ABCC4: variants seen among roughly 807,000 people sequenced by gnomAD.
The protein encoded by ABCC4 is ATP binding cassette subfamily C member 4 (PEL blood group), also known as ATP-binding cassette sub-family C member 4.
In ABCC4, 102 loss-of-function variants were observed where a neutral mutation model predicts 168.5. The observed-to-expected ratio is 0.61, with a 90% CI of 0.52 to 0.71. The LOEUF (loss-of-function observed/expected upper bound fraction) is 0.71. ABCC4 is among the 30% of genes least tolerant of loss of function. ABCC4 has a pLI of 0.00. For synonymous variants in ABCC4, 617 were observed against 590.7 expected (o/e 1.04, Z -0.65); for missense variants, 1,402 against 1,605.8 (o/e 0.87, Z 2.17).
chr13:95,062,594 G>GAAA, intron 26 of ABCC4, 110 bp downstream of exon 26: 1 of 1,029,722 alleles, frequency 9.7e-7, no homozygotes, highest in Non-Finnish European at 1.4e-6. Context: ...TCTATTGGGT[G>GAAA]AAAAAAAAAA....
rs2037021199 is a variant in ABCC4, at chr13:95,159,618, T to C, written c.2455+1571A>G. ...AGGCAGTCCCACTTAATGCTCCAAA[T>C]GTTATGACTGTAGTTTCAAATTAAC... On this transcript the variant is annotated intron_variant, in intron 19 of 30. Transcript: ENST00000645237. 3.3e-5 allele frequency among the ~76,000 whole-genome samples: 5 copies of C among 152,158 alleles called. No homozygotes were observed. In the South Asian group the frequency reaches 1.0e-3, roughly 32 times the overall value.
intron 1 of ABCC4, among the ~76,000 whole-genome samples, chr13:95,271,277 G>A (rs576003346): frequency 1.3e-5 from 2 of 152,264 alleles, no homozygotes; most frequent in South Asian, 4.2e-4. Flanking sequence ...ACATTAGTGT[G>A]CAATGTGATA....
rs376356296 is a variant in ABCC4 at position 95,043,673 on chromosome 13, A to G, written c.3735+9T>C. 7 of 1,599,202 alleles carry G rather than the reference A, an allele frequency of 4.4e-6. No homozygotes were observed. The highest frequency in any genetic ancestry group is 2.2e-5 in the East Asian group (1 of 44,790). On this transcript the variant is annotated intron_variant, in intron 29 of 30. Transcript: ENST00000645237. ...GGAGCAACAGGAATTCCGCAGGTGA[A>G]GGACTCACCATTATCTTGTCGCTGT...
intron 11 of ABCC4, among the ~76,000 whole-genome samples, chr13:95,181,892 C>T (rs978659719): frequency 8.5e-5 from 13 of 152,138 alleles, no homozygotes; most frequent in Admixed American, 5.9e-4. Flanking sequence ...TCTCTCTATC[C>T]ATATACAGCA....
chr13:95,235,973 A>G (rs747070405), intron 3 of ABCC4, among the ~76,000 whole-genome samples: 2 of 152,152 alleles, frequency 1.3e-5, no homozygotes, highest in Non-Finnish European at 2.9e-5. Context: ...CAAAATTAAA[A>G]TCCCACACCA....
chr13:95,044,928 T>C (rs1566368329), intron 27 of ABCC4, among the ~76,000 whole-genome samples: 1 of 152,156 alleles, frequency 6.6e-6, no homozygotes, highest in Non-Finnish European at 1.5e-5. Flanking sequence ...AGAGAGATGT[T>C]TTAAAACTGG....
Position 95,293,966 on chromosome 13 carries a change from C to G in ABCC4, c.74+7275G>C, listed in dbSNP as rs147540633. 6.0e-3 allele frequency among the ~76,000 whole-genome samples: 917 copies of G among 152,002 alleles called. 10 individuals carry two copies. The highest frequency in any genetic ancestry group is 0.021 in the African/African-American group (870 of 41,486). ...GAAGGCAGGGTGCCTTCTTTCTTGC[C>G]AGGTGCAAATCCATTACAATAAAGT... On this transcript the variant is annotated intron_variant, in intron 1 of 30. Transcript: ENST00000645237.
rs2040799156 is a variant in ABCC4 at position 95,269,853 on chromosome 13, A to C, written c.75-22100T>G. Among the ~76,000 whole-genome samples the C allele has an allele frequency of 2.6e-5, 4 of 152,214 alleles. No homozygotes were observed. The South Asian group carries it at 8.3e-4, about 31-fold the overall frequency. On this transcript the variant is annotated intron_variant, in intron 1 of 30. Transcript: ENST00000645237. ...GGGTTTTGCAAGAAAAGAAAAGAAT[A>C]GAGAAAAGAAAAACAGAGCAATGAA... is the stretch of plus-strand genomic sequence containing the variant.
At chr13:95,110,360 C>T (rs2035163089) in intron 20 of ABCC4, among the ~76,000 whole-genome samples, 1 of 149,598 alleles carries the variant, frequency 6.7e-6, no homozygotes, top group African/African-American at 2.5e-5. Context: ...AAATTATTTT[C>T]ACAAGTCACA....
chr13:95,066,975 A>G (rs1275241100), intron 25 of ABCC4, among the ~76,000 whole-genome samples: 4 of 152,192 alleles, frequency 2.6e-5, no homozygotes, highest in Non-Finnish European at 1.5e-5. Context: ...CAGTACCTGT[A>G]TTAGGGTGGA....
intron 19 of ABCC4, among the ~76,000 whole-genome samples, chr13:95,118,909 T>TC: frequency 6.6e-6 from 1 of 152,176 alleles, no homozygotes; most frequent in African/African-American, 2.4e-5. Context: ...GGGCAGCTCT[T>TC]CAACTACTTG....
Position 95,164,395 on chromosome 13 carries a change from G to C in ABCC4, c.2158C>G (p.Leu720Val), listed in dbSNP as rs910107842. 1 of 1,614,134 alleles carries C rather than the reference G, an allele frequency of 6.2e-7. No homozygotes were observed. Among genetic ancestry groups the C allele is most frequent in the South Asian group, 1.1e-5 (1 of 91,084 alleles). Residue 720 changes from leucine (L) to valine (V), a missense_variant, in exon 16 of 31, where the codon CTA becomes GTA. Leu to Val is a conservative substitution (Grantham distance 32, BLOSUM62 1). Coordinates refer to ENST00000645237, the MANE Select transcript of ABCC4 (RefSeq NM_005845.5). ...TTATTTACCTGAGCTGCAGTGTTTAGGAGAATAAGGAAAATGAAGACAATC... is the reference window on the plus strand; with the variant it reads ...TTATTTACCTGAGCTGCAGTGTTTACGAGAATAAGGAAAATGAAGACAATC... Reference protein sequence around the residue: ...HWIVFIFLILLNTAAQVAYVL... With the variant: ...HWIVFIFLILVNTAAQVAYVL...
Position 95,209,553 on chromosome 13 carries a change from C to A in ABCC4, c.666G>T (p.Ala222=). The change falls in exon 6 of 31, where the codon GCG becomes GCT. Residue 222 remains alanine, a synonymous_variant. Coordinates refer to ENST00000645237, the MANE Select transcript of ABCC4 (RefSeq NM_005845.5). ...TCCAGAGTAGGGCAGTCACTGCAAT[C>A]GCCTGCAGTGGTCCTGCCCACAGGA... ...LHFLWAGPLQ[A]IAVTALLWME... 1 of 1,614,102 alleles carries A rather than the reference C, an allele frequency of 6.2e-7. No homozygotes were observed. The highest frequency in any genetic ancestry group is 1.1e-5 in the South Asian group (1 of 91,078).
At chr13:95,194,135 A>G (rs1010229155) in intron 9 of ABCC4, among the ~76,000 whole-genome samples, 1 of 152,180 alleles carries the variant, frequency 6.6e-6, no homozygotes, top group African/African-American at 2.4e-5. Context: ...GAGCCTCAGT[A>G]CTTCTTGTGG....
At chr13:95,169,071 A>AG (rs1022989145) in intron 14 of ABCC4, among the ~76,000 whole-genome samples, 1 of 152,204 alleles carries the variant, frequency 6.6e-6, no homozygotes, top group Non-Finnish European at 1.5e-5. Context: ...CTGCCAGCCA[A>AG]GGATCAACAG....
At chr13:95,078,231 C>A (rs559221894) in intron 21 of ABCC4, among the ~76,000 whole-genome samples, 4 of 152,156 alleles carry the variant, frequency 2.6e-5, no homozygotes, top group African/African-American at 7.2e-5. Flanking sequence ...CTATCTCTGG[C>A]ATCCACAATG....
rs2038933076 is a variant in ABCC4, at chr13:95,210,800, G to A, written c.532-19C>T. The A allele has an allele frequency of 1.3e-6, 2 of 1,582,158 alleles. No individual in the cohort carries two copies. The highest frequency in any genetic ancestry group is 1.7e-6 in the Non-Finnish European group (2 of 1,151,648). On this transcript the variant is annotated intron_variant, in intron 4 of 30. Coordinates refer to ENST00000645237, the MANE Select transcript of ABCC4 (RefSeq NM_005845.5). ...GAAGTGCCTGAAATAAAAGAGGTAA[G>A]TAGAGAATTGTATTCATGCAGTGAT...
chr13:95,048,055 T>C (rs2032670339), intron 27 of ABCC4, among the ~76,000 whole-genome samples: 1 of 152,168 alleles, frequency 6.6e-6, no homozygotes, highest in African/African-American at 2.4e-5. Context: ...ACATGTCTAT[T>C]CTTATAAATT....
intron 30 of ABCC4, among the ~76,000 whole-genome samples, chr13:95,026,282 C>T (rs1405622199): frequency 6.6e-6 from 1 of 152,026 alleles, no homozygotes; most frequent in Non-Finnish European, 1.5e-5. Flanking sequence ...GGCATTTCTA[C>T]TGAAGGCAGC....
Sources: allele counts gnomAD v4.1 joint callset (sites outside exome capture counted in the v4.1 genomes callset), GRCh38; gene constraint gnomAD v4.1.1; transcripts MANE v1.5; gene names NCBI Gene and HGNC (gene_info 2026-07-23, HGNC 2026-07-21).